Variants in PCDH11X observed in about 807,000 individuals in gnomAD.
PCDH11X encodes the protein protocadherin 11 X-linked, also known as protocadherin-11 X-linked.
In PCDH11X, 18 loss-of-function variants were observed where a neutral mutation model predicts 53.3. The observed-to-expected ratio is 0.34, with a 90% CI of 0.23 to 0.50. The LOEUF is 0.50. PCDH11X is among the 20% of genes least tolerant of loss of function. The pLI is 0.98. For missense variants in PCDH11X, 570 were observed against 1,032.4 expected (o/e 0.55, Z 6.14); for synonymous variants, 279 against 393.3 (o/e 0.71, Z 3.44).
chrX:92,351,671 A>C (rs2070054683), intron 8 of PCDH11X, among the ~76,000 whole-genome samples: 1 of 111,437 alleles, frequency 9.0e-6, no homozygotes, highest in Non-Finnish European at 1.9e-5. Context: ...GCATCATATT[A>C]GTCACTGTTA....
intron 6 of PCDH11X, among the ~76,000 whole-genome samples, chrX:91,910,159 G>A (rs1235013205): frequency 9.3e-6 from 1 of 107,242 alleles, no homozygotes. Context: ...CAAAGTATCT[G>A]AACTAATCTG....
At chrX:92,143,030 A>G (rs1254585514) in intron 6 of PCDH11X, among the ~76,000 whole-genome samples, 1 of 111,370 alleles carries the variant, frequency 9.0e-6, no homozygotes, top group Non-Finnish European at 1.9e-5. Flanking sequence ...TAATCCTAGC[A>G]TTTTGGGAGG....
At chrX:92,176,966 C>CTT (rs1190451993) in intron 6 of PCDH11X, among the ~76,000 whole-genome samples, 14 of 97,456 alleles carry the variant, frequency 1.4e-4, no homozygotes, top group African/African-American at 5.2e-4. Flanking sequence ...TTTTTTTTTT[C>CTT]TTTTTTTTTT....
At chrX:91,846,486 C>T (rs1027270517) in intron 5 of PCDH11X, among the ~76,000 whole-genome samples, 91 of 109,339 alleles carry the variant, frequency 8.3e-4, no homozygotes, top group African/African-American at 2.8e-3. Context: ...GGCGTGGTCG[C>T]GGGCTCCTGT....
Position 92,205,605 on chromosome X carries a change from T to G in PCDH11X, c.3114+4150T>G, listed in dbSNP as rs868043636. Among the ~76,000 whole-genome samples the G allele has an allele frequency of 9.5e-3, 984 of 103,407 alleles. 6 individuals carry two copies. Among genetic ancestry groups the G allele is most frequent in the African/African-American group, 0.033 (942 of 28,338 alleles). 89.8% of individuals were successfully genotyped at this position (103,407 alleles called of 115,157 possible). A position where few individuals can be genotyped will look rare whatever the true frequency, so the allele number is the denominator to read the frequency against. ...GAAGATGCTAAATCAATGTTTTTTT[T>G]TTTTTTTTTTTTGAGACTGAGTTTT... On this transcript the variant is annotated intron_variant, in intron 7 of 10. Coordinates refer to ENST00000682573, the MANE Select transcript of PCDH11X (RefSeq NM_032968.5).
chrX:92,318,607 A>T (rs2069131206), intron 8 of PCDH11X, among the ~76,000 whole-genome samples: 1 of 111,610 alleles, frequency 9.0e-6, no homozygotes, highest in Non-Finnish European at 1.9e-5. Flanking sequence ...TCAGTGCTTG[A>T]CATCATCTCC....
chrX:91,932,741 A>G (rs2147842404), intron 6 of PCDH11X, among the ~76,000 whole-genome samples: 1 of 110,665 alleles, frequency 9.0e-6, no homozygotes, highest in South Asian at 3.9e-4. Context: ...GGAGAGAGCA[A>G]ATTTCTAGAC....
intron 7 of PCDH11X, among the ~76,000 whole-genome samples, chrX:92,237,109 C>T (rs1011012032): frequency 3.9e-4 from 43 of 110,986 alleles, no homozygotes; most frequent in African/African-American, 1.3e-3. Context: ...TTTTGTCATT[C>T]TAGTATACAG....
intron 8 of PCDH11X, among the ~76,000 whole-genome samples, chrX:92,312,677 GT>G (rs1296055757): frequency 9.0e-6 from 1 of 111,394 alleles, no homozygotes; most frequent in Non-Finnish European, 1.9e-5. Context: ...ATTTGAATGC[GT>G]TTTTATTTTT....
At chrX:92,003,895 T>G (rs1175646279) in intron 6 of PCDH11X, among the ~76,000 whole-genome samples, 3 of 111,036 alleles carry the variant, frequency 2.7e-5, no homozygotes, top group Non-Finnish European at 3.8e-5. Flanking sequence ...ATTTGTGCTC[T>G]GATATTTATT....
chrX:92,094,171 GTGTGTA>G (rs745573348), intron 6 of PCDH11X, among the ~76,000 whole-genome samples: 745 of 65,153 alleles, frequency 0.011, 2 homozygotes, highest in African/African-American at 0.026. Flanking sequence ...GTGTGTGTGT[GTGTGTA>G]TATATATATA....
chrX:92,605,104 C>G (rs1288442469), intron 10 of PCDH11X, among the ~76,000 whole-genome samples: 1 of 107,849 alleles, frequency 9.3e-6, no homozygotes, highest in Non-Finnish European at 1.9e-5. Flanking sequence ...ACTACAAGAG[C>G]AGAATACATA....
intron 6 of PCDH11X, among the ~76,000 whole-genome samples, chrX:92,138,313 T>C (rs1207523476): frequency 1.8e-5 from 2 of 110,936 alleles, no homozygotes; most frequent in African/African-American, 3.3e-5. Context: ...GCTGAAAGCA[T>C]AATGTTCTAT....
At chrX:92,049,937 C>A (rs1477164076) in intron 6 of PCDH11X, among the ~76,000 whole-genome samples, 1 of 111,180 alleles carries the variant, frequency 9.0e-6, no homozygotes, top group African/African-American at 3.3e-5. Flanking sequence ...CAATGCTGGG[C>A]TAATTTTTTG....
At chrX:91,780,188 G>T (rs1379072541) in intron 1 of PCDH11X, among the ~76,000 whole-genome samples, 30 of 111,527 alleles carry the variant, frequency 2.7e-4, no homozygotes, top group African/African-American at 9.4e-4. Context: ...GGGGGCTCGG[G>T]TTTGGATCCC....
At chrX:92,486,440 G>A (rs2073641911) in intron 10 of PCDH11X, among the ~76,000 whole-genome samples, 1 of 111,449 alleles carries the variant, frequency 9.0e-6, no homozygotes, top group African/African-American at 3.3e-5. Context: ...TATCACAAAT[G>A]CTCAATATAT....
At chrX:92,214,636 C>T (rs987674174) in intron 7 of PCDH11X, among the ~76,000 whole-genome samples, 1 of 111,627 alleles carries the variant, frequency 9.0e-6, no homozygotes, top group Admixed American at 9.5e-5. Flanking sequence ...GAAGGTAAAA[C>T]AGGAAGCAGG....
chrX:92,076,708 CTTTT>C (rs933343472), intron 6 of PCDH11X, among the ~76,000 whole-genome samples: 75 of 111,820 alleles, frequency 6.7e-4, no homozygotes, highest in African/African-American at 2.4e-3. Context: ...TGGCATTTGG[CTTTT>C]TTGTTTCCTG....
chrX:91,995,943 A>G (rs1351625535), intron 6 of PCDH11X, among the ~76,000 whole-genome samples: 1 of 101,950 alleles, frequency 9.8e-6, no homozygotes, highest in African/African-American at 3.7e-5. Flanking sequence ...TCCACCTCCC[A>G]GGTCCATGCC....
Sources: allele counts gnomAD v4.1 joint callset (sites outside exome capture counted in the v4.1 genomes callset), GRCh38; gene constraint gnomAD v4.1.1; transcripts MANE v1.5; gene names NCBI Gene and HGNC (gene_info 2026-07-23, HGNC 2026-07-21).